The following RBMS3 variants were observed in gnomAD, a reference collection of about 807,000 sequenced individuals.
RBMS3 encodes the protein RNA-binding motif, single-stranded-interacting protein 3.
Under a neutral mutation model 66.8 loss-of-function variants are expected in RBMS3, and 27 were observed. The ratio of observed to expected loss-of-function variants is 0.40; its 90% CI spans 0.30 to 0.56. The LOEUF (loss-of-function observed/expected upper bound fraction) is 0.56. Ranked by LOEUF, RBMS3 falls within the 20% of genes least tolerant of loss-of-function variation. RBMS3 has a pLI of 0.40. For missense variants in RBMS3, 513 were observed against 549.5 expected, an observed-to-expected ratio of 0.93 and a Z score of 0.66; for synonymous variants, 188 against 183.0, an observed-to-expected ratio of 1.03 and a Z score of -0.22.
chr3:29,338,682 T>G (rs898949870), intron 1 of RBMS3, among the ~76,000 whole-genome samples: 1 of 99,818 alleles, frequency 1.0e-5, no homozygotes, highest in African/African-American at 3.6e-5. Flanking sequence ...CTCCTCCTCC[T>G]CTCCTCTCCT....
chr3:29,583,640 G>A (rs1411772322), intron 3 of RBMS3, among the ~76,000 whole-genome samples: 2 of 151,996 alleles, frequency 1.3e-5, no homozygotes, highest in Non-Finnish European at 2.9e-5. Context: ...GTCTGGCGAA[G>A]GGCAACACTT....
chr3:29,451,195 A>G (rs2042007462), intron 2 of RBMS3, among the ~76,000 whole-genome samples: 1 of 152,168 alleles, frequency 6.6e-6, no homozygotes, highest in African/African-American at 2.4e-5. Context: ...AATGCATTCC[A>G]CAGAACCAAC....
intron 1 of RBMS3, among the ~76,000 whole-genome samples, chr3:29,386,145 A>G (rs753382430): frequency 6.6e-6 from 1 of 151,860 alleles, no homozygotes; most frequent in Non-Finnish European, 1.5e-5. Flanking sequence ...CTTTTGTTTT[A>G]CCTGCATGTA....
In RBMS3 at chr3:29,870,454, C is replaced by A. The variant is rs141066642; in HGVS notation, c.744+1490C>A. 2.1e-3 allele frequency among the ~76,000 whole-genome samples: 314 copies of A among 152,282 alleles called. 2 individuals are homozygous for A. Among genetic ancestry groups the A allele is most frequent in the African/African-American group, 7.2e-3 (298 of 41,558 alleles). ...AACTTGGCATTAATGACAGAAGATT[C>A]AGTTTCTGTCTCCTTAAGGAACTAT... On this transcript the variant is annotated intron_variant, in intron 7 of 14. Transcript: ENST00000383767.
At chr3:29,550,939 T>C (rs2046161054) in intron 3 of RBMS3, among the ~76,000 whole-genome samples, 1 of 152,210 alleles carries the variant, frequency 6.6e-6, no homozygotes, top group Non-Finnish European at 1.5e-5. Flanking sequence ...ACTGGGAATG[T>C]AGGGCAGATC....
chr3:29,671,528 A>G (rs958539336), intron 4 of RBMS3, among the ~76,000 whole-genome samples: 19 of 152,286 alleles, frequency 1.2e-4, no homozygotes, highest in African/African-American at 4.6e-4. Context: ...GAAGCTAAAA[A>G]CCTTGAAAAA....
intron 3 of RBMS3, among the ~76,000 whole-genome samples, chr3:29,488,870 C>G (rs62236912): frequency 6.6e-6 from 1 of 152,032 alleles, no homozygotes; most frequent in Non-Finnish European, 1.5e-5. Flanking sequence ...ATTTTAATTT[C>G]TCTGTTCTTT....
At chr3:29,996,062 G>A (rs1374928542) in intron 14 of RBMS3, among the ~76,000 whole-genome samples, 2 of 152,054 alleles carry the variant, frequency 1.3e-5, no homozygotes, top group East Asian at 1.9e-4. Context: ...AAAATAAAAG[G>A]ATGGAAGAAG....
chr3:29,738,793 T>G (rs755580785), intron 4 of RBMS3, among the ~76,000 whole-genome samples: 5 of 152,174 alleles, frequency 3.3e-5, no homozygotes, highest in Non-Finnish European at 7.3e-5. Flanking sequence ...AGGCTAATGT[T>G]GCATTTCTGG....
At chr3:29,304,174 A>G (rs537919407) in intron 1 of RBMS3, among the ~76,000 whole-genome samples, 1 of 152,110 alleles carries the variant, frequency 6.6e-6, no homozygotes, top group African/African-American at 2.4e-5. Context: ...TAATAGAAAA[A>G]AAGATCATAA....
At chr3:29,454,969 G>A (rs1176128871) in intron 2 of RBMS3, among the ~76,000 whole-genome samples, 1 of 152,082 alleles carries the variant, frequency 6.6e-6, no homozygotes, top group African/African-American at 2.4e-5. Context: ...CGTCAAAATA[G>A]CACATTGGTA....
At chr3:29,401,370 A>T (rs1302489572) in intron 1 of RBMS3, among the ~76,000 whole-genome samples, 1 of 152,054 alleles carries the variant, frequency 6.6e-6, no homozygotes, top group African/African-American at 2.4e-5. Context: ...CACAAAAAAA[A>T]CTTGAAATCT....
chr3:29,460,102 G>A (rs932990638), intron 2 of RBMS3, among the ~76,000 whole-genome samples: 1 of 152,170 alleles, frequency 6.6e-6, no homozygotes, highest in Non-Finnish European at 1.5e-5. Context: ...CAGCATAACA[G>A]CCTTGCAAAT....
chr3:29,842,480 C>G (rs555626896), intron 6 of RBMS3, among the ~76,000 whole-genome samples: 1 of 152,010 alleles, frequency 6.6e-6, no homozygotes, highest in Non-Finnish European at 1.5e-5. Context: ...GCTCAATAAA[C>G]GTTTATTGAA....
At chr3:29,881,174 G>A (rs1052008200) in intron 7 of RBMS3, among the ~76,000 whole-genome samples, 5 of 151,744 alleles carry the variant, frequency 3.3e-5, no homozygotes, top group African/African-American at 1.2e-4. Flanking sequence ...TTTTGCCTGA[G>A]CTGGCCTTGA....
intron 7 of RBMS3, among the ~76,000 whole-genome samples, chr3:29,879,820 G>A (rs1473113833): frequency 1.3e-5 from 2 of 151,752 alleles, no homozygotes; most frequent in African/African-American, 4.8e-5. Flanking sequence ...AATAATTCAG[G>A]CCATCATCAT....
At chr3:29,728,130 C>A (rs1004616943) in intron 4 of RBMS3, among the ~76,000 whole-genome samples, 2 of 151,906 alleles carry the variant, frequency 1.3e-5, no homozygotes, top group Non-Finnish European at 2.9e-5. Context: ...ACTGCATGTT[C>A]TCACTTATAA....
At chr3:29,352,204 C>CT (rs1172075101) in intron 1 of RBMS3, among the ~76,000 whole-genome samples, 4 of 151,932 alleles carry the variant, frequency 2.6e-5, no homozygotes, top group African/African-American at 9.7e-5. Context: ...GCAACTGCGT[C>CT]TTTTTTTGAG....
chr3:29,720,281 T>C (rs923591197), intron 4 of RBMS3, among the ~76,000 whole-genome samples: 3 of 152,166 alleles, frequency 2.0e-5, no homozygotes, highest in South Asian at 4.1e-4. Context: ...TCTATGTAAA[T>C]TGTATCATAT....
Sources: gnomAD v4.1 joint callset for allele counts (sites outside exome capture counted in the v4.1 genomes callset) on GRCh38, gnomAD v4.1.1 for gene constraint, MANE v1.5 for transcripts, NCBI Gene and HGNC (gene_info 2026-07-23, HGNC 2026-07-21) for gene names.